MED23: variants seen among roughly 807,000 people sequenced by gnomAD.
MED23 encodes the protein mediator of RNA polymerase II transcription subunit 23.
A neutral mutation model predicts 163.9 loss-of-function variants in MED23; 105 were observed. The ratio of observed to expected loss-of-function variants is 0.64; its 90% CI spans 0.55 to 0.75. MED23 has a LOEUF of 0.75. Among genes scored for constraint, MED23 ranks in the 30% least tolerant of loss-of-function variants. The pLI is 0.00. For synonymous variants in MED23, 561 were observed against 565.6 expected, an observed-to-expected ratio of 0.99 and a Z score of 0.12; for missense variants, 1,054 against 1,649.0, an observed-to-expected ratio of 0.64 and a Z score of 6.25.
chr6:131,587,502 G>A lies in MED23; in HGVS notation c.*177C>T, dbSNP rs1774254710. 1 of 1,442,994 alleles carries A rather than the reference G, an allele frequency of 6.9e-7. No individual in the cohort carries two copies. The highest frequency in any genetic ancestry group is 9.1e-7 in the Non-Finnish European group (1 of 1,101,810). The allele number at this position is 1,442,994 out of a possible 1,614,324, so 89.4% of individuals were successfully genotyped here. A position where few individuals can be genotyped will look rare whatever the true frequency, so the allele number is the denominator to read the frequency against. On this transcript the variant is annotated 3_prime_UTR_variant, in exon 29 of 29. Transcript: ENST00000368068. Reference sequence around the variant, plus strand: ...TCTCTTAGAGACAAAAATATAGATAGGGAGATGGGAGTTATAAGGTGTCAA... The same window carrying A: ...TCTCTTAGAGACAAAAATATAGATAAGGAGATGGGAGTTATAAGGTGTCAA...
intron 27 of MED23, among the ~76,000 whole-genome samples, chr6:131,590,095 C>G (rs1562368628): frequency 6.6e-6 from 1 of 152,156 alleles, no homozygotes; most frequent in Non-Finnish European, 1.5e-5. Context: ...CATCCTTAAC[C>G]TCTTCTCAAC....
In MED23 at chr6:131,598,759, T is replaced by C. The variant is rs1775255127; in HGVS notation, c.2223A>G (p.Ala741=). ...TLSCFPGPLQ[A]FFKQNNVPQE... ...GAGGCACATTATTTTGTTTGAAGAA[T>C]GCCTAAAAAGAGGATTAGAAGTTTA... Residue 741 remains alanine, a splice_region_variant and synonymous_variant, in exon 19 of 29, where the codon GCA becomes GCG. Coordinates refer to ENST00000368068, the MANE Select transcript of MED23 (RefSeq NM_004830.4). The surrounding 1 kb of genome is among the most constrained non-coding windows in gnomAD (Gnocchi z 4.7). The C allele has an allele frequency of 6.2e-7, 1 of 1,613,708 alleles. No homozygotes were observed. The highest frequency in any genetic ancestry group is 8.5e-7 in the Non-Finnish European group (1 of 1,179,656).
At chr6:131,597,922 T>C (rs1775188793) in intron 20 of MED23, among the ~76,000 whole-genome samples, 1 of 151,606 alleles carries the variant, frequency 6.6e-6, no homozygotes, top group Non-Finnish European at 1.5e-5. Flanking sequence ...CCCATCTCTA[T>C]AAAAAAGTTA....
rs965400166 is a variant in MED23, at chr6:131,590,495, G to C, written c.3687-53C>G. ...TGACTTGAAATTATTTAAATTGTTT[G>C]AATTTTGTTCATACAGTATATACAA... is the stretch of plus-strand genomic sequence containing the variant. On this transcript the variant is annotated intron_variant, in intron 26 of 28. Transcript: ENST00000368068. 3 of 1,412,062 alleles carry C rather than the reference G, an allele frequency of 2.1e-6. No homozygotes were observed. The African/African-American group carries it at 4.3e-5, about 20-fold the overall frequency. 87.5% of individuals were successfully genotyped at this position (1,412,062 alleles called of 1,614,324 possible). A position where few individuals can be genotyped will look rare whatever the true frequency, so the allele number is the denominator to read the frequency against.
chr6:131,604,103 C>T, intron 15 of MED23, 75 bp downstream of exon 15: 2 of 1,511,544 alleles, frequency 1.3e-6, no homozygotes, highest in Non-Finnish European at 1.8e-6. Context: ...CTGCTGTGTC[C>T]CCAGGACCTA....
Position 131,597,658 on chromosome 6 carries a change from G to C in MED23, c.2607+629C>G, listed in dbSNP as rs548840736. ...TCCTCCCTCTAGTGGGAGTTTTGGA[G>C]AATCAACTCAGGGTCTAATTGCTCA... On this transcript the variant is annotated intron_variant, in intron 20 of 28. Coordinates refer to ENST00000368068, the MANE Select transcript of MED23 (RefSeq NM_004830.4). Among the ~76,000 whole-genome samples the C allele has an allele frequency of 2.6e-5, 4 of 152,140 alleles. 1 individual carries two copies. In the South Asian group the frequency reaches 8.3e-4, roughly 32 times the overall value.
chr6:131,603,865 T>G (rs1775668697), intron 15 of MED23, among the ~76,000 whole-genome samples: 1 of 152,202 alleles, frequency 6.6e-6, no homozygotes, highest in Admixed American at 6.5e-5. Context: ...CAGAATCCAT[T>G]TGCATGAGGA....
intron 3 of MED23, 177 bp downstream of exon 3, chr6:131,627,219 A>G: frequency 1.6e-6 from 1 of 626,988 alleles, no homozygotes. Context: ...CAGGTTTTCC[A>G]CTGAAATATA....
At chr6:131,600,242 A>C in intron 17 of MED23, 80 bp from the exon 18 acceptor site, 1 of 1,357,544 alleles carries the variant, frequency 7.4e-7, no homozygotes, top group Non-Finnish European at 1.0e-6. Context: ...GAAAATAATA[A>C]TTATGTACAC....
At chr6:131,606,892 G>A (rs1775893062) in intron 12 of MED23, among the ~76,000 whole-genome samples, 1 of 151,918 alleles carries the variant, frequency 6.6e-6, no homozygotes, top group African/African-American at 2.4e-5. Context: ...TACTATCGCA[G>A]AGCATTCTCA....
At chr6:131,627,912 G>A (rs1478117902) in intron 1 of MED23, 99 bp downstream of exon 1, 3 of 1,445,758 alleles carry the variant, frequency 2.1e-6, no homozygotes, top group Non-Finnish European at 2.9e-6. Context: ...AAAAAGGGAG[G>A]CGTGAGAGGA....
rs1383033751 is a variant in MED23, at chr6:131,610,060, A to T, written c.1063T>A (p.Ser355Thr). ...TTAGTACATACCTTCTGATGAAGAGAAAGCACCATATGTGGAAAACTTGCA... is the reference window on the plus strand; with the variant it reads ...TTAGTACATACCTTCTGATGAAGAGTAAGCACCATATGTGGAAAACTTGCA... ...QFASFPHMVL[S>T]LHQKLAGRGL... is the part of the protein sequence containing the mutation. The change falls in exon 11 of 29, where the codon TCT becomes ACT. Residue 355 changes from serine to threonine, a missense_variant. Ser to Thr is a moderately conservative substitution (Grantham distance 58, BLOSUM62 1). This residue lies in a region of MED23 where 61 missense variants were observed against 154.2 expected (regional missense o/e 0.40). Coordinates refer to ENST00000368068, the MANE Select transcript of MED23 (RefSeq NM_004830.4). The T allele has an allele frequency of 3.1e-6, 5 of 1,613,722 alleles. No individual in the cohort carries two copies. In the East Asian group the frequency reaches 1.1e-4, roughly 36 times the overall value.
chr6:131,596,822 A>C, intron 20 of MED23, 134 bp from the exon 21 acceptor site: 1 of 833,148 alleles, frequency 1.2e-6, no homozygotes, highest in Non-Finnish European at 1.9e-6. Flanking sequence ...TCTATCCCAA[A>C]CCAACTGTTC....
chr6:131,609,531 GAC>G (rs1353965346), intron 11 of MED23, among the ~76,000 whole-genome samples: 87 of 34,284 alleles, frequency 2.5e-3, no homozygotes, highest in Non-Finnish European at 4.5e-3. Flanking sequence ...TTTTTTTTTT[GAC>G]ACAGAGTCTC....
At chr6:131,590,569 CAAT>C in intron 26 of MED23, 127 bp from the exon 27 acceptor site, 2 of 588,074 alleles carry the variant, frequency 3.4e-6, no homozygotes, top group Non-Finnish European at 5.8e-6. Flanking sequence ...AATTTGGTAA[CAAT>C]AATATTTCTA....
intron 22 of MED23, among the ~76,000 whole-genome samples, chr6:131,595,075 A>G (rs10081029): frequency 0.013 from 1,987 of 152,298 alleles, 38 homozygotes; most frequent in African/African-American, 0.043. Context: ...GCTCTGAGGG[A>G]AGGTATCTTA....
intron 14 of MED23, among the ~76,000 whole-genome samples, chr6:131,604,523 T>C (rs1222702575): frequency 1.3e-5 from 2 of 152,176 alleles, no homozygotes; most frequent in Non-Finnish European, 2.9e-5. Context: ...TGTGGCGCTT[T>C]CAATATGCAT....
chr6:131,583,463 C>T (rs770834693), downstream of MED23: 1 of 1,613,966 alleles, frequency 6.2e-7, no homozygotes, highest in Admixed American at 1.7e-5. Flanking sequence ...GAGAAGGTCT[C>T]TACATCACAG....
intron 21 of MED23, 144 bp from the exon 22 acceptor site, chr6:131,596,307 AG>A: frequency 3.4e-6 from 3 of 888,482 alleles, no homozygotes; most frequent in Non-Finnish European, 5.3e-6. Flanking sequence ...TTCTTTTTAT[AG>A]AAGTCCTTAT....
Sources: gnomAD v4.1 joint callset for allele counts (sites outside exome capture counted in the v4.1 genomes callset) on GRCh38, gnomAD v4.1.1 for gene constraint, gnomAD v4.1.1 regional missense constraint, Gnocchi (gnomAD v3.1) non-coding constraint, MANE v1.5 for transcripts, NCBI Gene and HGNC (gene_info 2026-07-23, HGNC 2026-07-21) for gene names.